STAG1: variants seen among roughly 807,000 people sequenced by gnomAD.
STAG1 encodes STAG1 cohesin complex component.
STAG1 carries 26 observed loss-of-function variants against 170.9 expected under a neutral mutation model. The ratio of observed to expected loss-of-function variants is 0.15; its 90% confidence interval spans 0.11 to 0.21. STAG1 has a LOEUF of 0.21. Among genes scored for constraint, STAG1 ranks in the 10% least tolerant of loss-of-function variants. The probability of loss-of-function intolerance (pLI) is 1.00; values close to 1 mark genes in which losing one functional copy is unlikely to be tolerated. For synonymous variants in STAG1, 514 were observed against 497.7 expected (o/e 1.03, Z -0.44); for missense variants, 964 against 1,509.5 (o/e 0.64, Z 5.99).
chr3:136,421,064 T>C, intron 20 of STAG1, 29 bp downstream of exon 20: 2 of 1,472,506 alleles, frequency 1.4e-6, no homozygotes, highest in Non-Finnish European at 9.4e-7. Flanking sequence ...AGCCACCTCG[T>C]TGCCTTTACT....
At chr3:136,682,990 T>C (rs1942390451) in intron 1 of STAG1, among the ~76,000 whole-genome samples, 1 of 152,206 alleles carries the variant, frequency 6.6e-6, no homozygotes, top group South Asian at 2.1e-4. Flanking sequence ...GAGGATATTG[T>C]GTTAAGCGAA....
At chr3:136,580,815 G>A (rs1390003122) in intron 4 of STAG1, among the ~76,000 whole-genome samples, 1 of 151,978 alleles carries the variant, frequency 6.6e-6, no homozygotes, top group East Asian at 1.9e-4. Flanking sequence ...TTACAGGCGT[G>A]AGCCACCGCA....
chr3:136,471,613 T>C (rs1191814261), intron 12 of STAG1, among the ~76,000 whole-genome samples: 1 of 152,174 alleles, frequency 6.6e-6, no homozygotes, highest in Non-Finnish European at 1.5e-5. Context: ...GGAGGATTTG[T>C]TATGTATGAC....
chr3:136,713,629 T>C (rs1943443903), intron 1 of STAG1, among the ~76,000 whole-genome samples: 1 of 151,592 alleles, frequency 6.6e-6, no homozygotes, highest in Non-Finnish European at 1.5e-5. Context: ...AACTAGCATT[T>C]GTAATCCCAA....
chr3:136,656,066 T>C (rs371651264), intron 1 of STAG1, among the ~76,000 whole-genome samples: 1 of 151,790 alleles, frequency 6.6e-6, no homozygotes, highest in African/African-American at 2.4e-5. Context: ...ACACAAACAA[T>C]GGAGTATTAT....
At chr3:136,576,995 G>A (rs544959319) in intron 4 of STAG1, among the ~76,000 whole-genome samples, 2 of 152,332 alleles carry the variant, frequency 1.3e-5, no homozygotes, top group African/African-American at 4.8e-5. Context: ...GAAATGGAAT[G>A]CTAGTAATCG....
intron 9 of STAG1, among the ~76,000 whole-genome samples, chr3:136,486,047 C>T (rs2090005141): frequency 6.6e-6 from 1 of 152,068 alleles, no homozygotes; most frequent in Non-Finnish European, 1.5e-5. Context: ...GCATCGGGAC[C>T]CATTAGCACA....
chr3:136,405,033 A>T (rs2087437617), intron 21 of STAG1, among the ~76,000 whole-genome samples: 1 of 152,196 alleles, frequency 6.6e-6, no homozygotes, highest in African/African-American at 2.4e-5. Context: ...TTTAGTGGAC[A>T]TGTGCATGAT....
chr3:136,678,082 T>G (rs1942196525), intron 1 of STAG1, among the ~76,000 whole-genome samples: 1 of 150,660 alleles, frequency 6.6e-6, no homozygotes, highest in Non-Finnish European at 1.5e-5. Context: ...AACTTTATCA[T>G]GTATTTGAAA....
At chr3:136,463,233 G>A (rs1056780572) in intron 13 of STAG1, among the ~76,000 whole-genome samples, 3 of 151,908 alleles carry the variant, frequency 2.0e-5, no homozygotes, top group Non-Finnish European at 4.4e-5. Flanking sequence ...TGCCCAGTAA[G>A]TAGCTGGTTT....
intron 22 of STAG1, among the ~76,000 whole-genome samples, chr3:136,397,139 C>T (rs1186426089): frequency 6.6e-6 from 1 of 152,204 alleles, no homozygotes; most frequent in Non-Finnish European, 1.5e-5. Context: ...GATACACAAA[C>T]ATACTAATAT....
At chr3:136,476,918 T>C (rs1055727117) in intron 10 of STAG1, among the ~76,000 whole-genome samples, 1 of 152,214 alleles carries the variant, frequency 6.6e-6, no homozygotes. Flanking sequence ...AGCACTCTAC[T>C]ATGATATGGT....
chr3:136,412,189 T>C (rs1260929098), intron 21 of STAG1, among the ~76,000 whole-genome samples: 1 of 152,116 alleles, frequency 6.6e-6, no homozygotes, highest in East Asian at 1.9e-4. Flanking sequence ...GAGTCTACAG[T>C]GATACCAATT....
At chr3:136,478,615 T>C (rs1179365562) in intron 9 of STAG1, among the ~76,000 whole-genome samples, 1 of 152,182 alleles carries the variant, frequency 6.6e-6, no homozygotes, top group Non-Finnish European at 1.5e-5. Context: ...TTAATGATAA[T>C]TAAGGCACTT....
chr3:136,463,852 A>C (rs1261912460), intron 13 of STAG1, among the ~76,000 whole-genome samples: 1 of 144,440 alleles, frequency 6.9e-6, no homozygotes, highest in Non-Finnish European at 1.5e-5. Flanking sequence ...TACATATATA[A>C]ATATATATTT....
At chr3:136,570,943 A>G (rs576642565) in intron 4 of STAG1, among the ~76,000 whole-genome samples, 177 of 152,352 alleles carry the variant, frequency 1.2e-3, no homozygotes, top group African/African-American at 3.9e-3. Context: ...AGAAAAGAAT[A>G]CCATGGTATC....
chr3:136,392,168 C>A (rs1017771773), intron 22 of STAG1, among the ~76,000 whole-genome samples: 1 of 152,074 alleles, frequency 6.6e-6, no homozygotes, highest in Non-Finnish European at 1.5e-5. Context: ...CTAGCAATTC[C>A]ATTTCTAAGA....
intron 5 of STAG1, among the ~76,000 whole-genome samples, chr3:136,568,191 C>T (rs1022112555): frequency 3.3e-5 from 5 of 151,916 alleles, no homozygotes; most frequent in Admixed American, 1.3e-4. Context: ...AACTCACTTC[C>T]CCCCATGTAA....
chr3:136,601,250 T>C (rs999747337), intron 4 of STAG1, among the ~76,000 whole-genome samples: 1 of 152,232 alleles, frequency 6.6e-6, no homozygotes, highest in East Asian at 1.9e-4. Flanking sequence ...TTTTAGGAAG[T>C]ACTGCCAAAA....
Sources: gnomAD v4.1 joint callset for allele counts (sites outside exome capture counted in the v4.1 genomes callset) on GRCh38, gnomAD v4.1.1 for gene constraint, MANE v1.5 for transcripts, NCBI Gene and HGNC (gene_info 2026-07-23, HGNC 2026-07-21) for gene names.